Variants in RAPGEF4 observed in about 807,000 individuals in gnomAD.
The protein encoded by RAPGEF4 is RAP guanine-nucleotide-exchange factor (GEF) 4.
A neutral mutation model predicts 147.9 loss-of-function variants in RAPGEF4; 66 were observed. That is an observed-to-expected ratio of 0.45 (90% CI 0.37 to 0.55). The LOEUF (loss-of-function observed/expected upper bound fraction) is 0.55. Ranked by LOEUF, RAPGEF4 falls within the 20% of genes least tolerant of loss-of-function variation. The probability of loss-of-function intolerance (pLI) is 0.00; values close to 1 mark genes in which losing one functional copy is unlikely to be tolerated. For missense variants in RAPGEF4, 1,071 were observed against 1,257.3 expected (o/e 0.85, Z 2.24); for synonymous variants, 419 against 442.7 (o/e 0.95, Z 0.67).
chr2:172,915,867 G>A (rs1038587344), intron 4 of RAPGEF4, among the ~76,000 whole-genome samples: 1 of 152,096 alleles, frequency 6.6e-6, no homozygotes, highest in Non-Finnish European at 1.5e-5. Context: ...AAATTTTCTA[G>A]AAAAATTTAG....
chr2:172,967,295 A>G lies in RAPGEF4; in HGVS notation c.855A>G (p.Leu285=), dbSNP rs1368593574. Residue 285 remains leucine, a synonymous_variant, in exon 10 of 31, where the codon TTA becomes TTG. Transcript: ENST00000397081. ...AGCACCATTTCCAAGACAAATATTT[A>G]TTCTATCGATTTCTGGATGATGAGC... is the stretch of plus-strand genomic sequence containing the variant. The part of the protein sequence containing the change: ...DQEHHFQDKY[L]FYRFLDDEHE... 6.2e-7 allele frequency: 1 copy of G among 1,612,300 alleles called. No individual in the cohort carries two copies. The highest frequency in any genetic ancestry group is 2.2e-5 in the East Asian group (1 of 44,860).
In RAPGEF4 at chr2:172,934,898, C is replaced by T. The variant is rs62174632; in HGVS notation, c.537+12598C>T. Among the ~76,000 whole-genome samples the T allele has an allele frequency of 9.9e-3, 1,512 of 152,182 alleles. 18 individuals carry two copies. The highest frequency in any genetic ancestry group is 0.029 in the Admixed American group (438 of 15,286). Reference sequence around the variant, plus strand: ...GCCACCTCGAAAGCAAACAAGAGGCCGGGGGTGGTAGCTCTCACCTGCAAT... The same window carrying T: ...GCCACCTCGAAAGCAAACAAGAGGCTGGGGGTGGTAGCTCTCACCTGCAAT... On this transcript the variant is annotated intron_variant, in intron 6 of 30. Coordinates refer to ENST00000397081, the MANE Select transcript of RAPGEF4 (RefSeq NM_007023.4).
At chr2:172,750,534 A>T (rs1695187212) in intron 1 of RAPGEF4, among the ~76,000 whole-genome samples, 1 of 152,100 alleles carries the variant, frequency 6.6e-6, no homozygotes, top group Non-Finnish European at 1.5e-5. Flanking sequence ...ACACATAGGG[A>T]TTATGGGAGC....
rs1379790950 is a variant in RAPGEF4, at chr2:173,042,283, G to A, written c.2853+5591G>A. Among the ~76,000 whole-genome samples the A allele has an allele frequency of 1.3e-5, 2 of 152,222 alleles. No homozygotes were observed. The highest frequency in any genetic ancestry group is 4.8e-5 in the African/African-American group (2 of 41,454). On this transcript the variant is annotated intron_variant, in intron 29 of 30. Transcript: ENST00000397081. The surrounding 1 kb of genome is among the most constrained non-coding windows in gnomAD (Gnocchi z 4.2). Reference sequence around the variant, plus strand: ...TCAGTGTTGGGCTTAGTGCACGAAAGCATTTTTCAAATATTTTATGTAATA... The same window carrying A: ...TCAGTGTTGGGCTTAGTGCACGAAAACATTTTTCAAATATTTTATGTAATA...
intron 1 of RAPGEF4, among the ~76,000 whole-genome samples, chr2:172,769,243 G>A (rs1697133164): frequency 7.2e-6 from 1 of 139,532 alleles, no homozygotes; most frequent in African/African-American, 3.4e-5. Context: ...ACATTTATTA[G>A]TGTGTATGCA....
chr2:172,985,348 C>T (rs1042732106), intron 11 of RAPGEF4, 85 bp from the exon 12 acceptor site: 8 of 1,592,420 alleles, frequency 5.0e-6, no homozygotes, highest in South Asian at 2.2e-5. Context: ...GGACAGTTTG[C>T]ATTGTGCCCC....
intron 6 of RAPGEF4, among the ~76,000 whole-genome samples, chr2:172,959,061 G>A (rs554805598): frequency 6.6e-6 from 1 of 151,826 alleles, no homozygotes; most frequent in South Asian, 2.1e-4. Flanking sequence ...CAAACAGTAG[G>A]GTTTTTAGTA....
intron 4 of RAPGEF4, among the ~76,000 whole-genome samples, chr2:172,815,743 T>C (rs1688442977): frequency 6.6e-6 from 1 of 152,224 alleles, no homozygotes; most frequent in Non-Finnish European, 1.5e-5. Flanking sequence ...GATGACTTAC[T>C]CAAATTGCTG....
intron 17 of RAPGEF4, among the ~76,000 whole-genome samples, chr2:173,005,205 A>C (rs1316195657): frequency 6.6e-6 from 1 of 152,090 alleles, no homozygotes; most frequent in South Asian, 2.1e-4. Flanking sequence ...AAATGTACAC[A>C]CTTTAAATTC....
intron 4 of RAPGEF4, among the ~76,000 whole-genome samples, chr2:172,846,530 G>A (rs1692210917): frequency 6.6e-6 from 1 of 152,050 alleles, no homozygotes; most frequent in Non-Finnish European, 1.5e-5. Flanking sequence ...TAGGGGGTTG[G>A]GTTAATTAGG....
chr2:172,780,884 T>C (rs1442235830), intron 1 of RAPGEF4, among the ~76,000 whole-genome samples: 1 of 152,342 alleles, frequency 6.6e-6, no homozygotes, highest in East Asian at 1.9e-4. Flanking sequence ...CACCATCAAA[T>C]TGCCCTCCAC....
chr2:172,736,872 A>G (rs1693828560), intron 1 of RAPGEF4, among the ~76,000 whole-genome samples: 1 of 152,232 alleles, frequency 6.6e-6, no homozygotes, highest in Non-Finnish European at 1.5e-5. Context: ...TGAGCAAGAA[A>G]TCTTGCAGAG....
In RAPGEF4 at chr2:173,051,709, T is replaced by G. The variant is rs768247176; in HGVS notation, c.2978T>G (p.Ile993Ser). 1 of 1,614,032 alleles carries G rather than the reference T, an allele frequency of 6.2e-7. No homozygotes were observed. The highest frequency in any genetic ancestry group is 1.1e-5 in the South Asian group (1 of 91,072). Residue 993 changes from isoleucine (I) to serine (S), a missense_variant, in exon 31 of 31, where the codon ATT becomes AGT. Transcript: ENST00000397081. ...AGTTATGTACGGCAATTAAATGTGA[T>G]TGACAACCAGAGAACTTTATCACAG... is the stretch of plus-strand genomic sequence containing the variant. ...VRSYVRQLNV[I>S]DNQRTLSQMS...
chr2:172,844,123 C>T (rs578023110), intron 4 of RAPGEF4, among the ~76,000 whole-genome samples: 14 of 152,170 alleles, frequency 9.2e-5, no homozygotes, highest in East Asian at 3.8e-4. Flanking sequence ...CTGTATTTTA[C>T]GGGTTGATCA....
intron 10 of RAPGEF4, among the ~76,000 whole-genome samples, chr2:172,969,747 T>C (rs1559152876): frequency 1.3e-5 from 2 of 152,246 alleles, no homozygotes; most frequent in Non-Finnish European, 2.9e-5. Context: ...GGAACATTCA[T>C]GCTAATTGTT....
intron 1 of RAPGEF4, among the ~76,000 whole-genome samples, chr2:172,783,330 A>G (rs1418955070): frequency 6.6e-6 from 1 of 152,122 alleles, no homozygotes; most frequent in Non-Finnish European, 1.5e-5. Context: ...CAACTTTCTT[A>G]TCTCATTTGG....
intron 1 of RAPGEF4, among the ~76,000 whole-genome samples, chr2:172,771,901 T>C (rs79772410): frequency 0.015 from 2,318 of 152,274 alleles, 63 homozygotes; most frequent in African/African-American, 0.054. Flanking sequence ...GAAAAATGTC[T>C]GTTGCTCAAG....
At chr2:172,805,318 C>T (rs1422041995) in intron 3 of RAPGEF4, among the ~76,000 whole-genome samples, 1 of 152,186 alleles carries the variant, frequency 6.6e-6, no homozygotes, top group Non-Finnish European at 1.5e-5. Flanking sequence ...GCCTTGAAAA[C>T]GTGTTTGTCC....
At chr2:173,040,565 C>G (rs1284184977) in intron 29 of RAPGEF4, among the ~76,000 whole-genome samples, 1 of 152,156 alleles carries the variant, frequency 6.6e-6, no homozygotes, top group Non-Finnish European at 1.5e-5. Flanking sequence ...ATACAGATAC[C>G]TTTTCTTGGT....
Sources: gnomAD v4.1 joint callset for allele counts (sites outside exome capture counted in the v4.1 genomes callset) on GRCh38, gnomAD v4.1.1 for gene constraint, Gnocchi (gnomAD v3.1) non-coding constraint, MANE v1.5 for transcripts, NCBI Gene and HGNC (gene_info 2026-07-23, HGNC 2026-07-21) for gene names.